RALGPS2: variants seen among roughly 807,000 people sequenced by gnomAD.
RALGPS2 encodes the protein ras-specific guanine nucleotide-releasing factor RalGPS2.
RALGPS2 carries 43 observed loss-of-function variants against 86.8 expected under a neutral mutation model. That is an observed-to-expected ratio of 0.50 (90% CI 0.39 to 0.64). RALGPS2 has a LOEUF of 0.64. Ranked by LOEUF, RALGPS2 falls within the 30% of genes least tolerant of loss-of-function variation. The pLI is 0.00. For missense variants in RALGPS2, 536 were observed against 694.6 expected, an observed-to-expected ratio of 0.77 and a Z score of 2.57; for synonymous variants, 243 against 231.3, an observed-to-expected ratio of 1.05 and a Z score of -0.46.
At chr1:178,769,721 A>G (rs1652690284) in intron 1 of RALGPS2, among the ~76,000 whole-genome samples, 1 of 152,138 alleles carries the variant, frequency 6.6e-6, no homozygotes, top group Non-Finnish European at 1.5e-5. Flanking sequence ...TCCGGGAGAA[A>G]GTGCAGCTGT....
intron 14 of RALGPS2, among the ~76,000 whole-genome samples, chr1:178,891,138 C>T (rs1261373912): frequency 1.3e-5 from 2 of 151,996 alleles, no homozygotes; most frequent in Non-Finnish European, 2.9e-5. Flanking sequence ...ATGATGTTAC[C>T]TTCACGTCTC....
chr1:178,768,723 G>A (rs987033766), intron 1 of RALGPS2, among the ~76,000 whole-genome samples: 3 of 152,172 alleles, frequency 2.0e-5, no homozygotes, highest in Non-Finnish European at 4.4e-5. Context: ...GTCCACCTAC[G>A]GGTCCCCCAG....
chr1:178,897,157 A>G (rs1452516777), intron 16 of RALGPS2, among the ~76,000 whole-genome samples: 1 of 152,046 alleles, frequency 6.6e-6, no homozygotes, highest in African/African-American at 2.4e-5. Flanking sequence ...AAAAGAAGAC[A>G]TTTATGCAGC....
intron 8 of RALGPS2, chr1:178,852,906 A>G (rs1355547175): frequency 3.7e-6 from 6 of 1,613,700 alleles, no homozygotes; most frequent in Non-Finnish European, 5.1e-6. Flanking sequence ...GCATATAGAT[A>G]TTTTCCAGTC....
chr1:178,827,584 A>G (rs1655809337), intron 7 of RALGPS2, among the ~76,000 whole-genome samples: 1 of 151,474 alleles, frequency 6.6e-6, no homozygotes, highest in African/African-American at 2.4e-5. Flanking sequence ...TTTAGTAGAG[A>G]CGGGGTTTCA....
intron 19 of RALGPS2, among the ~76,000 whole-genome samples, chr1:178,915,994 C>T (rs1473863645): frequency 6.6e-6 from 1 of 152,148 alleles, no homozygotes; most frequent in Non-Finnish European, 1.5e-5. Flanking sequence ...TCTGGAATCT[C>T]ACCCTACCAG....
chr1:178,913,593 C>T (rs1660702261), intron 19 of RALGPS2, among the ~76,000 whole-genome samples: 1 of 152,204 alleles, frequency 6.6e-6, no homozygotes, highest in East Asian at 1.9e-4. Context: ...GGTTCTTTCT[C>T]ATCTGTGAGG....
intron 2 of RALGPS2, among the ~76,000 whole-genome samples, chr1:178,781,490 C>G (rs549625627): frequency 6.6e-6 from 1 of 152,126 alleles, no homozygotes; most frequent in Non-Finnish European, 1.5e-5. Context: ...TGAATTATTG[C>G]TATTCTCCTG....
chr1:178,786,760 C>T (rs1378837908), intron 4 of RALGPS2, among the ~76,000 whole-genome samples: 4 of 151,792 alleles, frequency 2.6e-5, no homozygotes, highest in South Asian at 4.2e-4. Flanking sequence ...TTAGTTCTTT[C>T]GGGAACAAAA....
chr1:178,852,499 CTT>C (rs1657240241), intron 8 of RALGPS2, among the ~76,000 whole-genome samples: 1 of 152,102 alleles, frequency 6.6e-6, no homozygotes, highest in African/African-American at 2.4e-5. Flanking sequence ...ATAGATCACA[CTT>C]TGGGATTGCC....
chr1:178,781,537 T>G (rs1653395599), intron 2 of RALGPS2, among the ~76,000 whole-genome samples: 1 of 152,162 alleles, frequency 6.6e-6, no homozygotes, highest in Admixed American at 6.5e-5. Context: ...CATTACCAAT[T>G]TATTACTGGT....
At chr1:178,725,762 G>A (rs1260637472) in intron 1 of RALGPS2, 1 of 152,224 alleles carries the variant, frequency 6.6e-6, no homozygotes, top group Non-Finnish European at 1.5e-5. Context: ...GAAGCCCCCA[G>A]CCTCCGCCCG....
chr1:178,760,868 T>C (rs1170713765), intron 1 of RALGPS2, among the ~76,000 whole-genome samples: 1 of 152,240 alleles, frequency 6.6e-6, no homozygotes, highest in Non-Finnish European at 1.5e-5. Context: ...TGAATTATTT[T>C]CTCAAATATA....
chr1:178,872,488 T>G (rs994070320), intron 8 of RALGPS2, among the ~76,000 whole-genome samples: 2 of 152,224 alleles, frequency 1.3e-5, no homozygotes, highest in African/African-American at 4.8e-5. Context: ...GCTGTGCTTG[T>G]GGCCATGAAG....
At chr1:178,866,569 G>A (rs369836781) in intron 8 of RALGPS2, among the ~76,000 whole-genome samples, 1 of 152,220 alleles carries the variant, frequency 6.6e-6, no homozygotes, top group East Asian at 1.9e-4. Context: ...CTACTGAACT[G>A]TATTTTAGTA....
intron 4 of RALGPS2, among the ~76,000 whole-genome samples, chr1:178,799,156 C>G (rs1243424399): frequency 2.0e-5 from 3 of 152,188 alleles, no homozygotes; most frequent in Non-Finnish European, 4.4e-5. Context: ...TCTCCTGCCT[C>G]AGACTCCTGA....
chr1:178,777,118 C>T (rs1343200375), intron 2 of RALGPS2, among the ~76,000 whole-genome samples: 2 of 126,556 alleles, frequency 1.6e-5, no homozygotes, highest in African/African-American at 6.1e-5. Flanking sequence ...CACCCCACCA[C>T]AATCCCCAGA....
chr1:178,915,841 T>C (rs1374224502), intron 19 of RALGPS2, among the ~76,000 whole-genome samples: 3 of 152,238 alleles, frequency 2.0e-5, no homozygotes, highest in African/African-American at 4.8e-5. Flanking sequence ...GAATTTTGTT[T>C]TTCTGTACTT....
intron 8 of RALGPS2, 46 bp downstream of exon 8, chr1:178,833,596 CCTTA>C: frequency 6.6e-7 from 1 of 1,507,122 alleles, no homozygotes; most frequent in Non-Finnish European, 8.8e-7. Context: ...TGTTACTCTT[CCTTA>C]CTCAGTAATT....
Sources: allele counts gnomAD v4.1 joint callset (sites outside exome capture counted in the v4.1 genomes callset), GRCh38; gene constraint gnomAD v4.1.1; transcripts MANE v1.5; gene names NCBI Gene and HGNC (gene_info 2026-07-23, HGNC 2026-07-21).